The following RUFY4 variants were observed in gnomAD, a reference collection of about 807,000 sequenced individuals.
RUFY4 encodes RUN and FYVE domain containing 4.
A neutral mutation model predicts 69.0 loss-of-function variants in RUFY4; 73 were observed. The observed-to-expected ratio is 1.06, with a 90% CI of 0.88 to 1.29. The LOEUF (loss-of-function observed/expected upper bound fraction) is 1.29, where lower values mean the gene tolerates loss of function less well. RUFY4 is among the 50% of genes most tolerant of loss of function. RUFY4 has a pLI of 0.00. For synonymous variants in RUFY4, 287 were observed against 271.8 expected (o/e 1.06, Z -0.55); for missense variants, 770 against 705.6 (o/e 1.09, Z -1.03).
chr2:218,048,754 A>T (rs965129174), intron 2 of RUFY4, among the ~76,000 whole-genome samples: 4 of 150,772 alleles, frequency 2.7e-5, no homozygotes, highest in African/African-American at 5.0e-5. Context: ...TATGCCTTTT[A>T]AAAAAAATCC....
At chr2:218,035,940 T>A (rs907994095) in intron 2 of RUFY4, among the ~76,000 whole-genome samples, 9 of 152,072 alleles carry the variant, frequency 5.9e-5, no homozygotes, top group Admixed American at 3.9e-4. Context: ...GGGCCCTCCA[T>A]GGGGAACATG....
chr2:218,055,296 G>A (rs1055671065), intron 2 of RUFY4, among the ~76,000 whole-genome samples: 3 of 152,014 alleles, frequency 2.0e-5, no homozygotes, highest in African/African-American at 7.2e-5. Context: ...ACGGGAGGCT[G>A]AGACAGGAGA....
At chr2:218,050,464 A>G (rs1251502525) in intron 2 of RUFY4, among the ~76,000 whole-genome samples, 4 of 151,908 alleles carry the variant, frequency 2.6e-5, no homozygotes, top group African/African-American at 9.7e-5. Context: ...GAGCTGTGAC[A>G]CTCCTGGCTA....
chr2:218,083,021 G>A lies in RUFY4; in HGVS notation c.1356-89G>A. The stretch of plus-strand genomic sequence containing the variant: ...CGGGGGCATCACCAGCGTCTCCCAT[G>A]GGCTCCCTCTCTGGAAGAGGCTCAG... On this transcript the variant is annotated intron_variant, in intron 8 of 10. Transcript: ENST00000344321. 3 of 1,539,614 alleles carry A rather than the reference G, an allele frequency of 1.9e-6. No homozygotes were observed. The East Asian group carries it at 7.0e-5, about 36-fold the overall frequency.
At chr2:218,041,338 G>C (rs1688692186) in intron 2 of RUFY4, among the ~76,000 whole-genome samples, 1 of 152,130 alleles carries the variant, frequency 6.6e-6, no homozygotes, top group Non-Finnish European at 1.5e-5. Context: ...ACTAGGATTT[G>C]GATTTGGATT....
chr2:218,080,303 G>A (rs892004824), intron 8 of RUFY4, among the ~76,000 whole-genome samples: 4 of 152,212 alleles, frequency 2.6e-5, no homozygotes, highest in Non-Finnish European at 4.4e-5. Context: ...GAGGACAGTG[G>A]AAGTGTGGTA....
chr2:218,049,227 C>G (rs1156918742), intron 2 of RUFY4, among the ~76,000 whole-genome samples: 1 of 152,154 alleles, frequency 6.6e-6, no homozygotes, highest in Non-Finnish European at 1.5e-5. Context: ...TAGAATGTTC[C>G]TCAAATGACC....
At chr2:218,086,712 G>GGA (rs1482388134) in intron 9 of RUFY4, among the ~76,000 whole-genome samples, 1 of 152,102 alleles carries the variant, frequency 6.6e-6, no homozygotes, top group Non-Finnish European at 1.5e-5. Context: ...AGCCAAGAAA[G>GGA]GAGAAGATGT....
In RUFY4 at chr2:218,071,778, G is replaced by A. The variant is rs539494271; in HGVS notation, c.154-596G>A. 7.9e-5 allele frequency among the ~76,000 whole-genome samples: 12 copies of A among 152,196 alleles called. No individual in the cohort carries two copies. In the East Asian group the frequency reaches 2.3e-3, roughly 29 times the overall value. ...TCAGGGCCACAGTGTCCCTCTCCGG[G>A]CCCCGGGACCCATCGGGAGGAGAAG... On this transcript the variant is annotated intron_variant, in intron 2 of 10. Coordinates refer to ENST00000344321, the Ensembl canonical transcript of RUFY4.
upstream of RUFY4, chr2:218,070,494 C>T (rs991499691): frequency 3.2e-6 from 3 of 929,758 alleles, no homozygotes; most frequent in Non-Finnish European, 5.0e-6. Flanking sequence ...CACTTTCCCT[C>T]TGTAGGCTCT....
At chr2:218,085,254 G>A (rs1689864809) in intron 9 of RUFY4, among the ~76,000 whole-genome samples, 1 of 152,062 alleles carries the variant, frequency 6.6e-6, no homozygotes, top group Non-Finnish European at 1.5e-5. Context: ...GTTTCCCAGT[G>A]CAAAGGTGAT....
chr2:218,088,038 A>T (rs1277780377), intron 9 of RUFY4, among the ~76,000 whole-genome samples: 6 of 152,194 alleles, frequency 3.9e-5, no homozygotes, highest in African/African-American at 1.4e-4. Context: ...AATTTCAAGG[A>T]GAGAAAGCAA....
At chr2:218,037,176 C>T (rs1442832447) in intron 2 of RUFY4, among the ~76,000 whole-genome samples, 4 of 151,902 alleles carry the variant, frequency 2.6e-5, no homozygotes, top group Non-Finnish European at 4.4e-5. Context: ...AAAAATTAGC[C>T]GGGCGTGGTG....
exon 7 of RUFY4, chr2:218,075,685 C>A (rs771917929): frequency 4.1e-6 from 6 of 1,478,636 alleles, no homozygotes; most frequent in Non-Finnish European, 5.4e-6. Context: ...ACAGAAGTGA[C>A]CCTTGTGGCC....
intron 2 of RUFY4, among the ~76,000 whole-genome samples, chr2:218,040,938 G>A (rs886147843): frequency 1.3e-5 from 2 of 151,822 alleles, no homozygotes; most frequent in African/African-American, 4.8e-5. Flanking sequence ...CTAGATGCTG[G>A]ATGTCCTTAC....
chr2:218,081,868 A>C (rs1223129971), intron 8 of RUFY4, among the ~76,000 whole-genome samples: 5 of 152,210 alleles, frequency 3.3e-5, no homozygotes, highest in African/African-American at 1.2e-4. Context: ...TCTTCCCTGC[A>C]ACATGCTAAA....
intron 2 of RUFY4, among the ~76,000 whole-genome samples, chr2:218,045,725 C>T (rs1447161173): frequency 6.6e-6 from 1 of 152,088 alleles, no homozygotes; most frequent in East Asian, 1.9e-4. Context: ...GACACCTGTA[C>T]TTACCAGTCT....
At chr2:218,090,513 T>C (rs546988982) in exon 11 of RUFY4, 3 of 167,562 alleles carry the variant, frequency 1.8e-5, no homozygotes, top group African/African-American at 7.1e-5. Flanking sequence ...GGATCTGTGT[T>C]TGTGTTGCTG....
At chr2:218,085,627 A>C (rs1351539098) in intron 9 of RUFY4, among the ~76,000 whole-genome samples, 1 of 152,234 alleles carries the variant, frequency 6.6e-6, no homozygotes, top group Non-Finnish European at 1.5e-5. Context: ...ACATGGCAGA[A>C]GTGAGATGAG....
Sources: gnomAD v4.1 joint callset for allele counts (sites outside exome capture counted in the v4.1 genomes callset) on GRCh38, gnomAD v4.1.1 for gene constraint, MANE v1.5 for transcripts, NCBI Gene and HGNC (gene_info 2026-07-23, HGNC 2026-07-21) for gene names.